The following CGNL1 variants were observed in gnomAD, a reference collection of about 807,000 sequenced individuals.
The protein encoded by CGNL1 is cingulin like 1.
CGNL1 carries 132 observed loss-of-function variants against 141.2 expected under a neutral mutation model. The ratio of observed to expected loss-of-function variants is 0.93; its 90% CI spans 0.81 to 1.08. The LOEUF (loss-of-function observed/expected upper bound fraction) is 1.08, where lower values mean the gene tolerates loss of function less well. Ranked by LOEUF, CGNL1 falls within the 50% of genes least tolerant of loss-of-function variation. CGNL1 has a pLI of 0.00. For synonymous variants in CGNL1, 690 were observed against 622.1 expected, an observed-to-expected ratio of 1.11 and a Z score of -1.63; for missense variants, 1,870 against 1,588.6, an observed-to-expected ratio of 1.18 and a Z score of -3.01.
intron 7 of CGNL1, 121 bp from the exon 8 acceptor site, chr15:57,461,559 A>T: frequency 1.3e-6 from 1 of 778,952 alleles, no homozygotes; most frequent in South Asian, 1.5e-5. Context: ...ATGTGGAAGG[A>T]GAGAGTGGCA....
intron 16 of CGNL1, 110 bp downstream of exon 16, chr15:57,544,707 A>ATC: frequency 3.1e-6 from 4 of 1,292,178 alleles, no homozygotes; most frequent in Non-Finnish European, 4.2e-6. Flanking sequence ...GCCTGTGAGG[A>ATC]AGGCAGAGCA....
At chr15:57,478,444 A>G (rs1992875) in intron 8 of CGNL1, 18,906 of 152,248 alleles carry the variant, frequency 0.12, 1,201 homozygotes, top group Middle Eastern at 0.18. Flanking sequence ...CCTCAAGTCA[A>G]CAGCACAGCT....
At chr15:57,498,353 G>A (rs1295498017) in intron 8 of CGNL1, among the ~76,000 whole-genome samples, 3 of 139,672 alleles carry the variant, frequency 2.1e-5, no homozygotes, top group Admixed American at 1.5e-4. Flanking sequence ...GGGCTCAAGC[G>A]ATTCTCCCAC....
At position 57,438,662 on chromosome 15, in the gene CGNL1, C is replaced by T. The variant is rs752031482; in HGVS notation, c.663C>T (p.Ser221=). ...TGACAGCTATTCGTTTATGCAGCTC[C>T]GTGGTCATAGAGGACCCCAAAAAGC... The part of the protein sequence containing the change: ...SGVTAIRLCS[S]VVIEDPKKQT... Residue 221 remains serine, a synonymous_variant, in exon 2 of 19, where the codon TCC becomes TCT. Coordinates refer to ENST00000281282, the MANE Select transcript of CGNL1 (RefSeq NM_032866.5). 4.3e-6 allele frequency: 7 copies of T among 1,614,044 alleles called. No homozygotes were observed. The highest frequency in any genetic ancestry group is 5.9e-6 in the Non-Finnish European group (7 of 1,180,054).
intron 7 of CGNL1, among the ~76,000 whole-genome samples, chr15:57,458,326 A>G (rs1259236447): frequency 1.3e-5 from 2 of 152,158 alleles, no homozygotes; most frequent in Non-Finnish European, 1.5e-5. Flanking sequence ...CCCCGAGGTG[A>G]TGGAGTGAAG....
chr15:57,464,912 G>A (rs1338637630), intron 8 of CGNL1, among the ~76,000 whole-genome samples: 4 of 151,774 alleles, frequency 2.6e-5, no homozygotes, highest in African/African-American at 9.7e-5. Flanking sequence ...ACCACGCCTG[G>A]CTAGTTTTTT....
intron 1 of CGNL1, among the ~76,000 whole-genome samples, chr15:57,430,522 C>G (rs2063032061): frequency 6.6e-6 from 1 of 152,122 alleles, no homozygotes. Context: ...AAATTGATAA[C>G]ATATGGACAC....
chr15:57,415,900 C>T (rs946013287), intron 1 of CGNL1, among the ~76,000 whole-genome samples: 20 of 152,190 alleles, frequency 1.3e-4, no homozygotes, highest in Non-Finnish European at 2.1e-4. Flanking sequence ...TTTTTCCCAG[C>T]GAACCTCCAG....
chr15:57,546,039 TCAGCCGG>T, intron 17 of CGNL1, 30 bp from the exon 18 acceptor site: 1 of 1,590,984 alleles, frequency 6.3e-7, no homozygotes, highest in African/African-American at 1.3e-5. Context: ...GGCTGGGCCA[TCAGCCGG>T]CACTCAGCCC....
chr15:57,544,171 G>C (rs76678163), intron 15 of CGNL1, among the ~76,000 whole-genome samples: 46 of 152,340 alleles, frequency 3.0e-4, no homozygotes, highest in African/African-American at 1.1e-3. Context: ...CTGTCCCCCT[G>C]TAGGTTTATA....
At position 57,518,420 on chromosome 15, in the gene CGNL1, C is replaced by T; in HGVS notation, c.2638C>T (p.Leu880Phe). Reference protein sequence around the residue: ...EGEIRQLEEALVHARKEEKEA... With the variant: ...EGEIRQLEEAFVHARKEEKEA... ...AGAAATACGACAGTTAGAGGAGGCC[C>T]TTGTGCACGCCAGAAAGGAAGAAAA... The change falls in exon 10 of 19, where the codon CTT becomes TTT. Residue 880 changes from leucine (L) to phenylalanine (F), a missense_variant. Coordinates refer to ENST00000281282, the MANE Select transcript of CGNL1 (RefSeq NM_032866.5). 1 of 1,613,402 alleles carries T rather than the reference C, an allele frequency of 6.2e-7. No individual in the cohort carries two copies. Among genetic ancestry groups the T allele is most frequent in the Non-Finnish European group, 8.5e-7 (1 of 1,179,706 alleles).
chr15:57,376,697 C>G (rs1244141984), intron 1 of CGNL1, 130 bp downstream of exon 1: 1 of 151,014 alleles, frequency 6.6e-6, no homozygotes, highest in Non-Finnish European at 1.5e-5. Context: ...GCTCAGTCCG[C>G]GCGTCCACTC....
chr15:57,536,632 G>A (rs1440615479), intron 14 of CGNL1, among the ~76,000 whole-genome samples: 2 of 152,210 alleles, frequency 1.3e-5, no homozygotes, highest in South Asian at 2.1e-4. Flanking sequence ...CGTTTGGTCT[G>A]TTTAAATCCA....
At chr15:57,418,375 T>A (rs912167372) in intron 1 of CGNL1, among the ~76,000 whole-genome samples, 1 of 152,146 alleles carries the variant, frequency 6.6e-6, no homozygotes, top group Non-Finnish European at 1.5e-5. Flanking sequence ...CCTTTCTGTT[T>A]CTCTTTTTTT....
chr15:57,528,639 T>C lies in CGNL1; in HGVS notation c.3040-15T>C. ...ATGCACCCCAGAAAACCATCCCAGCTGTCTCTCCTCCTAGATGCGTCTGAT... is the reference window on the plus strand; with the variant it reads ...ATGCACCCCAGAAAACCATCCCAGCCGTCTCTCCTCCTAGATGCGTCTGAT... On this transcript the variant is annotated splice_polypyrimidine_tract_variant and intron_variant, in intron 12 of 18. Transcript: ENST00000281282. The C allele has an allele frequency of 6.2e-7, 1 of 1,613,594 alleles. No homozygotes were observed. Among genetic ancestry groups the C allele is most frequent in the Non-Finnish European group, 8.5e-7 (1 of 1,179,682 alleles).
At chr15:57,466,588 A>C (rs2063514055) in intron 8 of CGNL1, among the ~76,000 whole-genome samples, 1 of 152,170 alleles carries the variant, frequency 6.6e-6, no homozygotes, top group Admixed American at 6.5e-5. Context: ...TCCCTGCCGT[A>C]CTAGGTACTG....
chr15:57,492,243 G>C (rs1373499663), intron 8 of CGNL1, among the ~76,000 whole-genome samples: 1 of 152,158 alleles, frequency 6.6e-6, no homozygotes, highest in African/African-American at 2.4e-5. Context: ...CTTAAGGGAG[G>C]TTAGAGGATC....
rs71116514 is a variant in CGNL1 at position 57,378,363 on chromosome 15, G to GTTTTTTTTTT, written c.-16+1822_-16+1831dup. 1.0e-3 allele frequency among the ~76,000 whole-genome samples: 35 copies of GTTTTTTTTTT among 33,940 alleles called. 4 individuals are homozygous for GTTTTTTTTTT. The highest frequency in any genetic ancestry group is 1.4e-3 in the Non-Finnish European group (25 of 18,106). The allele number at this position is 33,940 out of a possible 152,430, so 22.3% of individuals were successfully genotyped here. A position where few individuals can be genotyped will look rare whatever the true frequency, so the allele number is the denominator to read the frequency against. The stretch of plus-strand genomic sequence containing the variant: ...TTTCTTAGGGGGTGGCCCTCTATGT[G>GTTTTTTTTTT]TTTTTTTTTTTTTTTTTTTTTTTTT... On this transcript the variant is annotated intron_variant, in intron 1 of 18. Transcript: ENST00000281282.
rs763972715 is a variant in CGNL1, at chr15:57,516,910, T to A, written c.2534T>A (p.Val845Asp). ...QGRSEELERRVAQLQRQIEDL... is the reference protein window; with the variant it reads ...QGRSEELERRDAQLQRQIEDL... ...AGAAGCGAAGAGCTGGAGCGGAGAGTTGCTCAGCTTCAAAGGCAGATCGAG... is the reference window on the plus strand; with the variant it reads ...AGAAGCGAAGAGCTGGAGCGGAGAGATGCTCAGCTTCAAAGGCAGATCGAG... Residue 845 changes from valine to aspartate, a missense_variant, in exon 9 of 19, where the codon GTT becomes GAT. Transcript: ENST00000281282. The A allele has an allele frequency of 6.2e-7, 1 of 1,613,080 alleles. No individual in the cohort carries two copies. Among genetic ancestry groups the A allele is most frequent in the Non-Finnish European group, 8.5e-7 (1 of 1,179,886 alleles).
Sources: allele counts gnomAD v4.1 joint callset (sites outside exome capture counted in the v4.1 genomes callset), GRCh38; gene constraint gnomAD v4.1.1; transcripts MANE v1.5; gene names NCBI Gene and HGNC (gene_info 2026-07-23, HGNC 2026-07-21).